The following RELN variants were observed in gnomAD, a reference collection of about 807,000 sequenced individuals.
RELN encodes reelin.
A neutral mutation model predicts 427.6 loss-of-function variants in RELN; 108 were observed. The observed-to-expected ratio is 0.25, with a 90% CI of 0.22 to 0.30. The LOEUF (loss-of-function observed/expected upper bound fraction) is 0.30. Ranked by LOEUF, RELN falls within the 10% of genes least tolerant of loss-of-function variation. The pLI, the probability that RELN is intolerant of heterozygous loss-of-function variation, is 1.00. For synonymous variants in RELN, 1,524 were observed against 1,513.4 expected, an observed-to-expected ratio of 1.01 and a Z score of -0.16; for missense variants, 3,715 against 4,302.8, an observed-to-expected ratio of 0.86 and a Z score of 3.82.
chr7:103,596,730 C>T, intron 24 of RELN, 69 bp from the exon 25 acceptor site: 11 of 1,325,736 alleles, frequency 8.3e-6, no homozygotes, highest in Non-Finnish European at 1.2e-5. Context: ...GTTTCAGTTC[C>T]AAATTCACAT....
At chr7:103,614,136 G>A (rs945083620) in intron 20 of RELN, among the ~76,000 whole-genome samples, 6 of 152,214 alleles carry the variant, frequency 3.9e-5, no homozygotes, top group East Asian at 1.9e-4. Context: ...TAAAAATTAC[G>A]TAAAATAATA....
chr7:103,920,093 T>C (rs1433615409), intron 1 of RELN, among the ~76,000 whole-genome samples: 2 of 151,736 alleles, frequency 1.3e-5, no homozygotes, highest in African/African-American at 4.8e-5. Context: ...GAATGTGAAA[T>C]ACACTAATTC....
intron 3 of RELN, among the ~76,000 whole-genome samples, chr7:103,796,985 A>G (rs1441060506): frequency 6.6e-6 from 1 of 152,108 alleles, no homozygotes; most frequent in African/African-American, 2.4e-5. Context: ...CTGCCTGCCT[A>G]AAATTTCTTA....
intron 1 of RELN, among the ~76,000 whole-genome samples, chr7:103,943,503 C>A (rs546010419): frequency 3.3e-5 from 5 of 152,010 alleles, no homozygotes; most frequent in Non-Finnish European, 7.4e-5. Flanking sequence ...CTAACTATAC[C>A]CTCCAGAGAA....
intron 22 of RELN, among the ~76,000 whole-genome samples, chr7:103,607,445 C>CA (rs1216505509): frequency 6.6e-6 from 1 of 152,168 alleles, no homozygotes; most frequent in Non-Finnish European, 1.5e-5. Flanking sequence ...GTCTCTCCCT[C>CA]AATACAAATA....
intron 1 of RELN, among the ~76,000 whole-genome samples, chr7:103,976,758 GAATGGTC>G (rs1796887095): frequency 6.6e-6 from 1 of 152,164 alleles, no homozygotes; most frequent in Non-Finnish European, 1.5e-5. Context: ...GAAAGCATTA[GAATGGTC>G]AACCTCCTGG....
intron 4 of RELN, among the ~76,000 whole-genome samples, chr7:103,754,777 AAAT>A (rs1791092354): frequency 6.6e-6 from 1 of 152,194 alleles, no homozygotes; most frequent in Admixed American, 6.5e-5. Context: ...CCCTGTCTCT[AAAT>A]AAATAATAAA....
chr7:103,744,251 C>T (rs1422593454), intron 6 of RELN, among the ~76,000 whole-genome samples: 1 of 152,088 alleles, frequency 6.6e-6, no homozygotes, highest in Admixed American at 6.5e-5. Flanking sequence ...ATCTCTGGGA[C>T]ACATTCAAAG....
intron 1 of RELN, among the ~76,000 whole-genome samples, chr7:103,943,617 G>A (rs989994386): frequency 1.3e-5 from 2 of 152,052 alleles, no homozygotes; most frequent in African/African-American, 2.4e-5. Context: ...TTGGGAGGCA[G>A]AGGTGGTTGG....
chr7:103,593,539 T>G, intron 27 of RELN, 143 bp downstream of exon 27: 1 of 756,524 alleles, frequency 1.3e-6, no homozygotes, highest in Non-Finnish European at 2.3e-6. Flanking sequence ...GCTTCGCAAT[T>G]CTAACACTGT....
intron 1 of RELN, among the ~76,000 whole-genome samples, chr7:103,940,232 G>A (rs1457931692): frequency 6.6e-6 from 1 of 152,122 alleles, no homozygotes; most frequent in Non-Finnish European, 1.5e-5. Context: ...TTGTTGGCTG[G>A]GTTGCCTAGG....
At chr7:103,652,858 G>A in intron 13 of RELN, 99 bp from the exon 14 acceptor site, 1 of 1,028,942 alleles carries the variant, frequency 9.7e-7, no homozygotes, top group Non-Finnish European at 1.5e-6. Flanking sequence ...GTACATAACT[G>A]CCATTTATTA....
At chr7:103,538,453 A>C (rs1356834862) in intron 45 of RELN, among the ~76,000 whole-genome samples, 1 of 152,144 alleles carries the variant, frequency 6.6e-6, no homozygotes, top group Non-Finnish European at 1.5e-5. Flanking sequence ...GTGTGAGTGC[A>C]TGGTATGTGT....
At chr7:103,504,358 A>G (rs1829138163) in intron 51 of RELN, 1 of 152,210 alleles carries the variant, frequency 6.6e-6, no homozygotes, top group Non-Finnish European at 1.5e-5. Flanking sequence ...ACTCGGAGTT[A>G]TAATCAGTAT....
At chr7:103,548,929 T>C (rs938533346) in intron 41 of RELN, among the ~76,000 whole-genome samples, 3 of 152,232 alleles carry the variant, frequency 2.0e-5, no homozygotes, top group Non-Finnish European at 2.9e-5. Flanking sequence ...GATGGGATTA[T>C]TTCCAAGTGG....
chr7:103,640,517 C>G lies in RELN; in HGVS notation c.2069+26G>C, dbSNP rs370633711. On this transcript the variant is annotated intron_variant, in intron 17 of 64. Transcript: ENST00000428762. This position sits in a 1 kb window ranked among gnomAD's most constrained non-coding sequence, Gnocchi z 4.1. ...TACATTACACATCAAAAAGGAGAAG[C>G]ATAAGTGTTATTTTAAGATGCTTAC... 21 of 1,609,642 alleles carry G rather than the reference C, an allele frequency of 1.3e-5. No individual in the cohort carries two copies. The highest frequency in any genetic ancestry group is 1.7e-5 in the Non-Finnish European group (20 of 1,176,312).
intron 1 of RELN, among the ~76,000 whole-genome samples, chr7:103,952,632 T>C (rs1221897455): frequency 6.6e-6 from 1 of 152,084 alleles, no homozygotes; most frequent in Non-Finnish European, 1.5e-5. Flanking sequence ...TCACTGCAAA[T>C]GATCTTAAAT....
intron 10 of RELN, among the ~76,000 whole-genome samples, chr7:103,693,013 G>A (rs1272432428): frequency 1.3e-5 from 2 of 152,092 alleles, no homozygotes; most frequent in Non-Finnish European, 2.9e-5. Context: ...TATTTGTGAC[G>A]CTGGAGCACA....
At chr7:103,494,961 G>C (rs1233858121) in intron 57 of RELN, among the ~76,000 whole-genome samples, 1 of 152,046 alleles carries the variant, frequency 6.6e-6, no homozygotes, top group African/African-American at 2.4e-5. Context: ...AGAGACAGCG[G>C]AAGGGAAGGG....
Sources: gnomAD v4.1 joint callset for allele counts (sites outside exome capture counted in the v4.1 genomes callset) on GRCh38, gnomAD v4.1.1 for gene constraint, Gnocchi (gnomAD v3.1) non-coding constraint, MANE v1.5 for transcripts, NCBI Gene and HGNC (gene_info 2026-07-23, HGNC 2026-07-21) for gene names.